Variants in MAP2K2 observed in about 807,000 individuals in gnomAD.
MAP2K2 encodes the protein dual specificity mitogen-activated protein kinase kinase 2.
In MAP2K2, 24 loss-of-function variants were observed where a neutral mutation model predicts 43.7. The ratio of observed to expected loss-of-function variants is 0.55; its 90% CI spans 0.40 to 0.77. The LOEUF (loss-of-function observed/expected upper bound fraction) is 0.77. MAP2K2 is among the 30% of genes least tolerant of loss of function. The probability of loss-of-function intolerance (pLI) is 0.00; values close to 1 mark genes in which losing one functional copy is unlikely to be tolerated. For synonymous variants in MAP2K2, 244 were observed against 239.7 expected (o/e 1.02, Z -0.17); for missense variants, 470 against 566.8 (o/e 0.83, Z 1.73).
intron 3 of MAP2K2, among the ~76,000 whole-genome samples, chr19:4,109,094 G>A (rs1006256344): frequency 6.6e-6 from 1 of 152,140 alleles, no homozygotes; most frequent in Non-Finnish European, 1.5e-5. Flanking sequence ...CTGTCAAAGG[G>A]GATCGCACGT....
At chr19:4,123,742 C>T in intron 1 of MAP2K2, 42 bp downstream of exon 1, 1 of 1,468,382 alleles carries the variant, frequency 6.8e-7, no homozygotes, top group Non-Finnish European at 9.2e-7. Flanking sequence ...GGGCTCCCTG[C>T]CCCGTGCACC....
chr19:4,095,466 A>C lies in MAP2K2; in HGVS notation c.985-17T>G. The C allele has an allele frequency of 6.4e-7, 1 of 1,550,394 alleles. No homozygotes were observed. Among genetic ancestry groups the C allele is most frequent in the East Asian group, 2.4e-5 (1 of 40,894 alleles). ...AGGAGGTGGCTGTGGAGGAGAACAG[A>C]GGGTGGGGTCAGCCCTGGGCATCGT... On this transcript the variant is annotated splice_polypyrimidine_tract_variant and intron_variant, in intron 8 of 10. Coordinates refer to ENST00000262948, the MANE Select transcript of MAP2K2 (RefSeq NM_030662.4).
chr19:4,102,992 G>A (rs2041037014), intron 3 of MAP2K2: 1 of 1,071,526 alleles, frequency 9.3e-7, no homozygotes, highest in African/African-American at 1.7e-5. Flanking sequence ...CAGACCCCCA[G>A]GGGGCTCCCT....
At chr19:4,123,710 C>A in intron 1 of MAP2K2, 74 bp downstream of exon 1, 1 of 1,210,484 alleles carries the variant, frequency 8.3e-7, no homozygotes, top group South Asian at 1.4e-5. Flanking sequence ...AACCCCCGTC[C>A]CCTCGCCCCG....
chr19:4,093,280 C>A (rs1456472796), intron 10 of MAP2K2, among the ~76,000 whole-genome samples: 1 of 152,114 alleles, frequency 6.6e-6, no homozygotes, highest in Non-Finnish European at 1.5e-5. Context: ...ACATCGGTAG[C>A]CCCAGCTGCT....
rs1428643114 is a variant in MAP2K2 at position 4,090,332 on chromosome 19, TCTCC to T, written c.*262_*265del. Reference sequence around the variant, plus strand: ...GCAGGATGGCGCGGTTTGCTTTTTCTCTCCCTGTTTTGTTTTGTAACCTAAGGAA... The same window carrying T: ...GCAGGATGGCGCGGTTTGCTTTTTCTCTGTTTTGTTTTGTAACCTAAGGAA... On this transcript the variant is annotated 3_prime_UTR_variant, in exon 11 of 11. Coordinates refer to ENST00000262948, the MANE Select transcript of MAP2K2 (RefSeq NM_030662.4). 3.8e-5 allele frequency: 22 copies of T among 581,450 alleles called. No individual in the cohort carries two copies. In the African/African-American group the frequency reaches 4.1e-4, roughly 11 times the overall value. The allele number at this position is 581,450 out of a possible 1,614,324, so 36.0% of individuals were successfully genotyped here. A position where few individuals can be genotyped will look rare whatever the true frequency, so the allele number is the denominator to read the frequency against.
At chr19:4,100,903 C>T (rs2040997492) in intron 6 of MAP2K2, 116 bp downstream of exon 6, 1 of 1,211,652 alleles carries the variant, frequency 8.3e-7, no homozygotes, top group Non-Finnish European at 1.2e-6. Context: ...GACAGCTGCG[C>T]AGGAGACATG....
intron 10 of MAP2K2, among the ~76,000 whole-genome samples, chr19:4,093,808 G>A (rs1346041198): frequency 6.6e-6 from 1 of 152,170 alleles, no homozygotes; most frequent in South Asian, 2.1e-4. Flanking sequence ...GGCTGTCTAG[G>A]GGGGTGGCAT....
chr19:4,097,412 C>T, intron 7 of MAP2K2, 69 bp from the exon 8 acceptor site: 3 of 1,254,240 alleles, frequency 2.4e-6, no homozygotes, highest in Non-Finnish European at 3.5e-6. Flanking sequence ...GGTTGGGCTC[C>T]CAGGGGGCTG....
chr19:4,113,812 T>C (rs1414820263), intron 2 of MAP2K2, among the ~76,000 whole-genome samples: 1 of 151,796 alleles, frequency 6.6e-6, no homozygotes, highest in East Asian at 1.9e-4. Flanking sequence ...CTTCACTGAG[T>C]GTCAGCGAGA....
At chr19:4,102,157 C>T (rs956877007) in intron 4 of MAP2K2, among the ~76,000 whole-genome samples, 45 of 152,168 alleles carry the variant, frequency 3.0e-4, no homozygotes, top group African/African-American at 9.9e-4. Context: ...TGAAGAGGGA[C>T]CTATAACGTC....
chr19:4,113,867 C>T (rs2041187171), intron 2 of MAP2K2, among the ~76,000 whole-genome samples: 1 of 152,190 alleles, frequency 6.6e-6, no homozygotes, highest in Non-Finnish European at 1.5e-5. Flanking sequence ...GGCCGCCACC[C>T]CGCAGGCCTG....
chr19:4,090,401 C>T lies in MAP2K2; in HGVS notation c.*197G>A. On this transcript the variant is annotated 3_prime_UTR_variant, in exon 11 of 11. Coordinates refer to ENST00000262948, the MANE Select transcript of MAP2K2 (RefSeq NM_030662.4). ...ACCACACACAGCAGCGTCGCCCGTC[C>T]CCAGAGGCACCCCGGCCAGGACGGG... The T allele has an allele frequency of 1.6e-6, 1 of 629,174 alleles. No individual in the cohort carries two copies. The highest frequency in any genetic ancestry group is 2.9e-6 in the Non-Finnish European group (1 of 348,412). The allele number at this position is 629,174 out of a possible 1,614,324, so 39.0% of individuals were successfully genotyped here.
In MAP2K2 at chr19:4,112,424, GAC is replaced by G. The variant is rs779825272; in HGVS notation, c.304-1771_304-1770del. 5.9e-5 allele frequency among the ~76,000 whole-genome samples: 9 copies of G among 152,354 alleles called. No homozygotes were observed. The East Asian group carries it at 1.5e-3, about 26-fold the overall frequency. On this transcript the variant is annotated intron_variant, in intron 2 of 10. Coordinates refer to ENST00000262948, the MANE Select transcript of MAP2K2 (RefSeq NM_030662.4). ...TGGGGGAGGGTGTTCCAGGCAGAGG[GAC>G]AAAGAGCCGCCTGTCAGCGGGCACG...
intron 4 of MAP2K2, 137 bp downstream of exon 4, chr19:4,102,239 C>T (rs1335952982): frequency 5.3e-6 from 4 of 757,476 alleles, no homozygotes; most frequent in African/African-American, 5.1e-5. Flanking sequence ...CAGGTGGGCA[C>T]AGCCTTGGCC....
At chr19:4,113,911 A>G (rs988268289) in intron 2 of MAP2K2, among the ~76,000 whole-genome samples, 5 of 152,210 alleles carry the variant, frequency 3.3e-5, no homozygotes, top group Admixed American at 2.6e-4. Context: ...ATCATGGATC[A>G]GAAACTGACA....
intron 3 of MAP2K2, among the ~76,000 whole-genome samples, chr19:4,105,639 TC>T (rs1159764621): frequency 1.2e-4 from 18 of 151,888 alleles, no homozygotes; most frequent in Non-Finnish European, 2.5e-4. Flanking sequence ...CTTCCACCAT[TC>T]CCCCCTCAAG....
chr19:4,099,536 G>C, intron 6 of MAP2K2, 122 bp from the exon 7 acceptor site: 1 of 798,554 alleles, frequency 1.3e-6, no homozygotes, highest in African/African-American at 1.7e-5. Flanking sequence ...GCAATGGATA[G>C]AGAGCTGTTA....
rs1400725623 is a variant in MAP2K2, at chr19:4,101,723, G to A, written c.529-443C>T. On this transcript the variant is annotated intron_variant, in intron 4 of 10. Coordinates refer to ENST00000262948, the MANE Select transcript of MAP2K2 (RefSeq NM_030662.4). The surrounding 1 kb of genome is among the most constrained non-coding windows in gnomAD (Gnocchi z 6.3). ...GAAGGACGATGTTTCCCCCAGGCCC[G>A]CCCTGGAAGCAGCATCCCGAGAAGT... 1.3e-5 allele frequency among the ~76,000 whole-genome samples: 2 copies of A among 152,094 alleles called. No homozygotes were observed. The highest frequency in any genetic ancestry group is 4.8e-5 in the African/African-American group (2 of 41,420).
Sources: gnomAD v4.1 joint callset for allele counts (sites outside exome capture counted in the v4.1 genomes callset) on GRCh38, gnomAD v4.1.1 for gene constraint, Gnocchi (gnomAD v3.1) non-coding constraint, MANE v1.5 for transcripts, NCBI Gene and HGNC (gene_info 2026-07-23, HGNC 2026-07-21) for gene names.